The following RASGRP3 variants were observed in gnomAD, a reference collection of about 807,000 sequenced individuals.
RASGRP3 encodes ras guanyl-releasing protein 3.
In RASGRP3, 54 loss-of-function variants were observed where a neutral mutation model predicts 82.7. The observed-to-expected ratio is 0.65, with a 90% CI of 0.52 to 0.82. RASGRP3 has a LOEUF of 0.82. RASGRP3 is among the 40% of genes least tolerant of loss of function. The pLI is 0.00. For synonymous variants in RASGRP3, 309 were observed against 300.5 expected (o/e 1.03, Z -0.29); for missense variants, 861 against 828.9 (o/e 1.04, Z -0.48).
At chr2:33,470,846 A>T (rs1027870136) in intron 2 of RASGRP3, among the ~76,000 whole-genome samples, 2 of 152,092 alleles carry the variant, frequency 1.3e-5, no homozygotes, top group Non-Finnish European at 2.9e-5. Flanking sequence ...AGCAAATTTT[A>T]GTTTGTTCTA....
chr2:33,464,110 A>AATTATTATTATT (rs70938402), intron 2 of RASGRP3, among the ~76,000 whole-genome samples: 127 of 144,258 alleles, frequency 8.8e-4, no homozygotes, highest in African/African-American at 3.1e-3. Context: ...TAATAATAAT[A>AATTATTATTATT]ATTATTATTA....
intron 2 of RASGRP3, among the ~76,000 whole-genome samples, chr2:33,460,568 G>A (rs1298671674): frequency 1.3e-5 from 2 of 150,258 alleles, no homozygotes; most frequent in Non-Finnish European, 3.0e-5. Context: ...AGGCTGGAGT[G>A]CAATGGCGCG....
At chr2:33,541,837 T>C (rs774184104) in intron 12 of RASGRP3, among the ~76,000 whole-genome samples, 3 of 147,642 alleles carry the variant, frequency 2.0e-5, no homozygotes, top group East Asian at 1.9e-4. Context: ...GCTTCTGACA[T>C]TGATGTCATG....
At position 33,454,642 on chromosome 2, in the gene RASGRP3, C is replaced by T. The variant is rs541605015; in HGVS notation, c.-261+6699C>T. On this transcript the variant is annotated intron_variant, in intron 2 of 18. Transcript: ENST00000402538. ...TGCCCAAGTGGGAGATCACCCATCT[C>T]TCATCATAGCAGAAGGCTGGAAGTT... Among the ~76,000 whole-genome samples, 339 of 152,294 alleles carry T rather than the reference C, an allele frequency of 2.2e-3. 2 individuals carry two copies. Among genetic ancestry groups the T allele is most frequent in the African/African-American group, 7.7e-3 (318 of 41,558 alleles).
chr2:33,527,530 T>C (rs776940254), intron 10 of RASGRP3, 118 bp downstream of exon 10: 45 of 1,068,518 alleles, frequency 4.2e-5, no homozygotes, highest in Non-Finnish European at 5.3e-5. Context: ...TCAGAGTCAA[T>C]AGATGAGAGG....
intron 16 of RASGRP3, 30 bp from the exon 17 acceptor site, chr2:33,558,642 C>G: frequency 1.9e-6 from 3 of 1,544,568 alleles, no homozygotes; most frequent in Non-Finnish European, 2.6e-6. Context: ...AGTCAGATGT[C>G]AAATAATCAC....
intron 4 of RASGRP3, among the ~76,000 whole-genome samples, chr2:33,518,982 C>T (rs1261096493): frequency 6.6e-6 from 1 of 152,156 alleles, no homozygotes; most frequent in Non-Finnish European, 1.5e-5. Flanking sequence ...AAAAGGAGTA[C>T]TCTAAAATTA....
At chr2:33,488,436 T>C (rs1668579653) in intron 1 of RASGRP3, among the ~76,000 whole-genome samples, 2 of 152,320 alleles carry the variant, frequency 1.3e-5, no homozygotes. Context: ...GGTAATGCTT[T>C]CTATATCAAG....
chr2:33,462,374 T>TG (rs1666420549), intron 2 of RASGRP3, among the ~76,000 whole-genome samples: 1 of 145,330 alleles, frequency 6.9e-6, no homozygotes, highest in African/African-American at 2.5e-5. Flanking sequence ...GGTTTTTTTT[T>TG]TTTGTTTTTC....
intron 14 of RASGRP3, among the ~76,000 whole-genome samples, chr2:33,552,656 A>G (rs1675486690): frequency 6.6e-6 from 1 of 152,220 alleles, no homozygotes; most frequent in South Asian, 2.1e-4. Flanking sequence ...AATAAATTCC[A>G]TTTTAAGTTT....
At chr2:33,557,770 C>CAGAG (rs1448605565) in intron 15 of RASGRP3, among the ~76,000 whole-genome samples, 4 of 151,530 alleles carry the variant, frequency 2.6e-5, no homozygotes, top group Non-Finnish European at 5.9e-5. Flanking sequence ...AGTAAATGAT[C>CAGAG]AGAGGCAGTT....
chr2:33,553,740 T>C (rs1482137403), intron 14 of RASGRP3, among the ~76,000 whole-genome samples: 2 of 152,158 alleles, frequency 1.3e-5, no homozygotes, highest in African/African-American at 4.8e-5. Context: ...TTGCATTTTA[T>C]TTATTTATTA....
At chr2:33,554,248 A>G (rs1359367927) in intron 14 of RASGRP3, among the ~76,000 whole-genome samples, 1 of 152,096 alleles carries the variant, frequency 6.6e-6, no homozygotes, top group Non-Finnish European at 1.5e-5. Flanking sequence ...CACTTATAAT[A>G]CATTGTGAAC....
chr2:33,543,628 G>C lies in RASGRP3; in HGVS notation c.1394+1G>C. The C allele has an allele frequency of 6.4e-7, 1 of 1,567,142 alleles. No homozygotes were observed. Among genetic ancestry groups the C allele is most frequent in the Non-Finnish European group, 8.8e-7 (1 of 1,142,304 alleles). The stretch of plus-strand genomic sequence containing the variant: ...CCTTCTGTGTTCTGGACAAAGATCA[G>C]TAAGTTTTAATTTTGTTTTATTTTA... On this transcript the variant is annotated splice_donor_variant, in intron 13 of 17. Transcript: ENST00000403687. LOFTEE classifies it high-confidence loss of function.
chr2:33,485,905 A>G (rs577751205), intron 1 of RASGRP3, among the ~76,000 whole-genome samples: 32 of 152,348 alleles, frequency 2.1e-4, no homozygotes, highest in Non-Finnish European at 4.0e-4. Context: ...TGTGTCATGC[A>G]TAAAATTCTG....
chr2:33,515,903 C>T (rs566025998), intron 3 of RASGRP3, among the ~76,000 whole-genome samples: 1 of 152,334 alleles, frequency 6.6e-6, no homozygotes, highest in Non-Finnish European at 1.5e-5. Context: ...TGACCAGTTA[C>T]ATTTGAATTT....
At chr2:33,560,022 T>C (rs1222265438) in intron 17 of RASGRP3, among the ~76,000 whole-genome samples, 1 of 152,224 alleles carries the variant, frequency 6.6e-6, no homozygotes, top group Non-Finnish European at 1.5e-5. Context: ...TGAAACACTT[T>C]TTTTGTTTCT....
intron 1 of RASGRP3, among the ~76,000 whole-genome samples, chr2:33,503,769 A>G (rs1670095859): frequency 6.6e-6 from 1 of 152,222 alleles, no homozygotes; most frequent in Non-Finnish European, 1.5e-5. Flanking sequence ...ATAACATAGT[A>G]CAGTTTCTCT....
At chr2:33,476,758 C>CGTGCGTGTGTGTGTGTGTGT (rs1553338895) in intron 1 of RASGRP3, 51 bp downstream of exon 1, 11 of 140,258 alleles carry the variant, frequency 7.8e-5, no homozygotes, top group South Asian at 4.8e-4. Context: ...ATTCCCTCTC[C>CGTGCGTGTGTGTGTGTGTGT]GTGTGTGTGT....
Sources: allele counts gnomAD v4.1 joint callset (sites outside exome capture counted in the v4.1 genomes callset), GRCh38; gene constraint gnomAD v4.1.1; transcripts MANE v1.5; gene names NCBI Gene and HGNC (gene_info 2026-07-23, HGNC 2026-07-21).